DYNC2H1: variants seen among roughly 807,000 people sequenced by gnomAD.
DYNC2H1 encodes cytoplasmic dynein 2 heavy chain 1.
Under a neutral mutation model 570.0 loss-of-function variants are expected in DYNC2H1, and 410 were observed. The ratio of observed to expected loss-of-function variants is 0.72; its 90% CI spans 0.66 to 0.78. DYNC2H1 has a LOEUF of 0.78. Ranked by LOEUF, DYNC2H1 falls within the 30% of genes least tolerant of loss-of-function variation. DYNC2H1 has a pLI of 0.00. For synonymous variants in DYNC2H1, 1,688 were observed against 1,677.6 expected, an observed-to-expected ratio of 1.01 and a Z score of -0.15; for missense variants, 4,865 against 5,046.4, an observed-to-expected ratio of 0.96 and a Z score of 1.09.
In DYNC2H1 at chr11:103,257,756, G is replaced by A. The variant is rs1287433644; in HGVS notation, c.10605+5G>A. On this transcript the variant is annotated splice_donor_5th_base_variant and intron_variant, in intron 69 of 88. Coordinates refer to ENST00000375735, the MANE Select transcript of DYNC2H1 (RefSeq NM_001377.3). ...CGAGCTCTACAAAACAAACAGGTAA[G>A]CTGTTGGATACCCTGTACCAGAGAC... 6.3e-7 allele frequency: 1 copy of A among 1,580,320 alleles called. No homozygotes were observed. Among genetic ancestry groups the A allele is most frequent in the Non-Finnish European group, 8.6e-7 (1 of 1,162,508 alleles).
Position 103,143,385 on chromosome 11 carries a change from C to T in DYNC2H1, c.2692C>T (p.Arg898Ter), listed in dbSNP as rs1007294927. 1.1e-5 allele frequency: 18 copies of T among 1,609,714 alleles called. No homozygotes were observed. Among genetic ancestry groups the T allele is most frequent in the South Asian group, 2.2e-5 (2 of 90,026 alleles). Residue 898 changes from arginine (R) to a stop codon, truncating the protein, a stop_gained, in exon 18 of 89, where the codon CGA becomes TGA. Coordinates refer to ENST00000375735, the MANE Select transcript of DYNC2H1 (RefSeq NM_001377.3). LOFTEE classifies it high-confidence loss of function. ...ALKIKGKEVE[R>*]LPSAVKVDCL... The stretch of plus-strand genomic sequence containing the variant: ...AAAAATAAAGGGGAAAGAAGTAGAA[C>T]GACTTCCAAGGTATTGGAGGTTAAT...
rs1862837732 is a variant in DYNC2H1 at position 103,204,299 on chromosome 11, C to T, written c.8311+523C>T. 6.6e-6 allele frequency among the ~76,000 whole-genome samples: 1 copy of T among 152,134 alleles called. No individual in the cohort carries two copies. Among genetic ancestry groups the T allele is most frequent in the African/African-American group, 2.4e-5 (1 of 41,426 alleles). ...ACAAAATGAGATTTGGGTAGGGACACAGAGCCAAACCATATCAATACCTTA... is the reference window on the plus strand; with the variant it reads ...ACAAAATGAGATTTGGGTAGGGACATAGAGCCAAACCATATCAATACCTTA... On this transcript the variant is annotated intron_variant, in intron 51 of 88. Coordinates refer to ENST00000375735, the MANE Select transcript of DYNC2H1 (RefSeq NM_001377.3). This position sits in a 1 kb window ranked among gnomAD's most constrained non-coding sequence, Gnocchi z 4.1.
chr11:103,431,117 G>A (rs1655105923), intron 84 of DYNC2H1, among the ~76,000 whole-genome samples: 1 of 151,080 alleles, frequency 6.6e-6, no homozygotes, highest in Non-Finnish European at 1.5e-5. Flanking sequence ...GGTTACAGCC[G>A]GTTCTGCTTT....
At chr11:103,401,513 A>G (rs779395801) in intron 84 of DYNC2H1, among the ~76,000 whole-genome samples, 5 of 152,170 alleles carry the variant, frequency 3.3e-5, no homozygotes, top group African/African-American at 1.2e-4. Flanking sequence ...GCTGTAGGCA[A>G]TAATGATATT....
At chr11:103,452,307 C>T (rs1944634557) in intron 85 of DYNC2H1, among the ~76,000 whole-genome samples, 2 of 151,950 alleles carry the variant, frequency 1.3e-5, no homozygotes, top group Non-Finnish European at 2.9e-5. Flanking sequence ...AATTTTTCCT[C>T]CATAGGGTAT....
chr11:103,431,373 TAAAG>T, intron 84 of DYNC2H1, among the ~76,000 whole-genome samples: 1 of 152,250 alleles, frequency 6.6e-6, no homozygotes, highest in South Asian at 2.1e-4. Context: ...TTAGATCTAT[TAAAG>T]ACAGTATTGG....
At chr11:103,430,575 G>A (rs1307953161) in intron 84 of DYNC2H1, among the ~76,000 whole-genome samples, 1 of 151,810 alleles carries the variant, frequency 6.6e-6, no homozygotes, top group African/African-American at 2.4e-5. Context: ...AAATTGTTGT[G>A]TCACTTCCTC....
At chr11:103,410,806 G>T (rs1943054766) in intron 84 of DYNC2H1, among the ~76,000 whole-genome samples, 1 of 37,534 alleles carries the variant, frequency 2.7e-5, no homozygotes, top group Non-Finnish European at 5.0e-5. Flanking sequence ...TGTATAGCTT[G>T]GGTTCATTGT....
rs1384310368 is a variant in DYNC2H1, at chr11:103,256,616, G to T, written c.10461+376G>T. On this transcript the variant is annotated intron_variant, in intron 68 of 88. Transcript: ENST00000375735. The surrounding 1 kb of genome is among the most constrained non-coding windows in gnomAD (Gnocchi z 4.0). The stretch of plus-strand genomic sequence containing the variant: ...GGCAAGTTAAATATACTAATTAAAA[G>T]GGTTATAAGCTCTAAGGTACAGTTA... Among the ~76,000 whole-genome samples the T allele has an allele frequency of 6.6e-6, 1 of 152,068 alleles. No homozygotes were observed. Among genetic ancestry groups the T allele is most frequent in the East Asian group, 1.9e-4 (1 of 5,182 alleles).
At chr11:103,184,200 T>G (rs1003764247) in intron 40 of DYNC2H1, among the ~76,000 whole-genome samples, 1 of 151,962 alleles carries the variant, frequency 6.6e-6, no homozygotes, top group Non-Finnish European at 1.5e-5. Flanking sequence ...TACCACAATT[T>G]GTTAACCATT....
Position 103,188,545 on chromosome 11 carries a change from C to G in DYNC2H1, c.7189C>G (p.Leu2397Val), listed in dbSNP as rs893064960. 6.2e-7 allele frequency: 1 copy of G among 1,609,872 alleles called. No individual in the cohort carries two copies. The highest frequency in any genetic ancestry group is 8.5e-7 in the Non-Finnish European group (1 of 1,177,392). The change falls in exon 44 of 89, where the codon CTA becomes GTA. Residue 2397 changes from leucine to valine, a missense_variant. By Grantham distance (32) the Leu-to-Val change is conservative. This residue lies in a region of DYNC2H1 where 2,401 missense variants were observed against 2,454.6 expected (regional missense o/e 0.98). Coordinates refer to ENST00000375735, the MANE Select transcript of DYNC2H1 (RefSeq NM_001377.3). ...FYDENLEWVG[L>V]ENIQIVASMS... ...TGATGAAAATTTGGAATGGGTTGGT[C>G]TAGAAAATATTCAAATTGTGGCTTC...
Position 103,243,836 on chromosome 11 carries a change from T to A in DYNC2H1, c.9918+45T>A, listed in dbSNP as rs1386656604. On this transcript the variant is annotated intron_variant, in intron 64 of 88. Coordinates refer to ENST00000375735, the MANE Select transcript of DYNC2H1 (RefSeq NM_001377.3). This position sits in a 1 kb window ranked among gnomAD's most constrained non-coding sequence, Gnocchi z 4.8. ...TACATACCAATTAGGAATGACCTCT[T>A]ATAGTGAAAAGATCTTGGAGTCTAT... is the stretch of plus-strand genomic sequence containing the variant. The A allele has an allele frequency of 1.4e-6, 2 of 1,426,702 alleles. No individual in the cohort carries two copies. Among genetic ancestry groups the A allele is most frequent in the East Asian group, 5.0e-5 (2 of 40,096 alleles). The allele number at this position is 1,426,702 out of a possible 1,614,324, so 88.4% of individuals were successfully genotyped here.
rs1350255711 is a variant in DYNC2H1, at chr11:103,120,713, C to G, written c.1159C>G (p.Gln387Glu). The G allele has an allele frequency of 6.2e-7, 1 of 1,609,034 alleles. No individual in the cohort carries two copies. Among genetic ancestry groups the G allele is most frequent in the African/African-American group, 1.3e-5 (1 of 74,670 alleles). The change falls in exon 8 of 89, where the codon CAA becomes GAA. Residue 387 changes from glutamine (Q) to glutamate (E), a missense_variant. Physicochemically the swap from Gln to Glu is conservative, Grantham distance 29. Transcript: ENST00000375735. ...GCCCTTGTGGAAAGCTGCGGTGTCT[C>G]AATATGAAAAGATTATTGCACCTGC... ...TEPLWKAAVSQYEKIIAPAEQ... is the reference protein window; with the variant it reads ...TEPLWKAAVSEYEKIIAPAEQ...
chr11:103,461,300 TTA>T lies in DYNC2H1; in HGVS notation c.12648+4945_12648+4946del, dbSNP rs1491524958. On this transcript the variant is annotated intron_variant, in intron 87 of 88. Transcript: ENST00000375735. This position sits in a 1 kb window ranked among gnomAD's most constrained non-coding sequence, Gnocchi z 4.8. ...GAATTTTACTATCACTATAATTTTA[TTA>T]GTTTTTTTTAAAATCTCTATCACCA... Among the ~76,000 whole-genome samples the T allele has an allele frequency of 6.8e-6, 1 of 147,358 alleles. No homozygotes were observed. Among genetic ancestry groups the T allele is most frequent in the African/African-American group, 2.5e-5 (1 of 40,326 alleles).
intron 70 of DYNC2H1, among the ~76,000 whole-genome samples, chr11:103,276,341 A>G (rs1279353807): frequency 6.6e-6 from 1 of 152,084 alleles, no homozygotes; most frequent in Non-Finnish European, 1.5e-5. Flanking sequence ...ATAAATTGTG[A>G]CTTAATCTCA....
rs1866504720 is a variant in DYNC2H1, at chr11:103,289,515, C to T, written c.11095+1910C>T. Reference sequence around the variant, plus strand: ...GGTTTCAGTACCTGTAATCCCAGCACATTTGGAGGCTGACGGGGGAGGATT... The same window carrying T: ...GGTTTCAGTACCTGTAATCCCAGCATATTTGGAGGCTGACGGGGGAGGATT... On this transcript the variant is annotated intron_variant, in intron 75 of 88. Coordinates refer to ENST00000375735, the MANE Select transcript of DYNC2H1 (RefSeq NM_001377.3). This position sits in a 1 kb window ranked among gnomAD's most constrained non-coding sequence, Gnocchi z 4.2. Among the ~76,000 whole-genome samples the T allele has an allele frequency of 6.6e-6, 1 of 152,262 alleles. No individual in the cohort carries two copies. Among genetic ancestry groups the T allele is most frequent in the East Asian group, 1.9e-4 (1 of 5,168 alleles).
chr11:103,400,896 TC>T (rs1364803302), intron 84 of DYNC2H1, among the ~76,000 whole-genome samples: 1 of 152,204 alleles, frequency 6.6e-6, no homozygotes, highest in African/African-American at 2.4e-5. Flanking sequence ...CATTGTTTTT[TC>T]TTTGTACATA....
Position 103,181,077 on chromosome 11 carries a change from C to G in DYNC2H1, c.6348-680C>G, listed in dbSNP as rs950362328. 2.0e-5 allele frequency among the ~76,000 whole-genome samples: 3 copies of G among 151,276 alleles called. No homozygotes were observed. The highest frequency in any genetic ancestry group is 6.6e-5 in the Admixed American group (1 of 15,140). On this transcript the variant is annotated intron_variant, in intron 39 of 88. Coordinates refer to ENST00000375735, the MANE Select transcript of DYNC2H1 (RefSeq NM_001377.3). The surrounding 1 kb of genome is among the most constrained non-coding windows in gnomAD (Gnocchi z 5.0). ...ATAATTTTGAATAAGATGTGAATCT[C>G]TATTATTTCACCAATTGGATTTTGG...
intron 32 of DYNC2H1, 91 bp downstream of exon 32, chr11:103,169,051 G>T: frequency 8.7e-7 from 1 of 1,152,200 alleles, no homozygotes. Flanking sequence ...TTTTATTTAA[G>T]TAGTAATTTT....
Sources: allele counts gnomAD v4.1 joint callset (sites outside exome capture counted in the v4.1 genomes callset), GRCh38; gene constraint gnomAD v4.1.1; regional missense constraint gnomAD v4.1.1; non-coding constraint Gnocchi (gnomAD v3.1); transcripts MANE v1.5; gene names NCBI Gene and HGNC (gene_info 2026-07-23, HGNC 2026-07-21).